CCDC175: variants seen among roughly 807,000 people sequenced by gnomAD.
The protein encoded by CCDC175 is coiled-coil domain-containing protein 175.
CCDC175 carries 100 observed loss-of-function variants against 114.6 expected under a neutral mutation model. The ratio of observed to expected loss-of-function variants is 0.87; its 90% confidence interval spans 0.74 to 1.03. CCDC175 has a LOEUF of 1.03. CCDC175 is among the 50% of genes least tolerant of loss of function. CCDC175 has a pLI of 0.00. For synonymous variants in CCDC175, 306 were observed against 308.7 expected (o/e 0.99, Z 0.09); for missense variants, 880 against 917.8 (o/e 0.96, Z 0.53).
chr14:59,522,349 G>GGGACTGTTACGT (rs1192462965), intron 16 of CCDC175, among the ~76,000 whole-genome samples: 1 of 152,206 alleles, frequency 6.6e-6, no homozygotes, highest in Non-Finnish European at 1.5e-5. Flanking sequence ...AGGTAGACAT[G>GGGACTGTTACGT]GGACTGTTAC....
At chr14:59,569,091 A>G (rs1896714381) in intron 3 of CCDC175, among the ~76,000 whole-genome samples, 1 of 152,234 alleles carries the variant, frequency 6.6e-6, no homozygotes, top group Non-Finnish European at 1.5e-5. Context: ...ATGACTTCAA[A>G]GGATTATCTC....
At chr14:59,523,477 G>C (rs1345984071) in intron 16 of CCDC175, among the ~76,000 whole-genome samples, 2 of 152,042 alleles carry the variant, frequency 1.3e-5, no homozygotes, top group Admixed American at 6.6e-5. Context: ...AAAAAATACA[G>C]CTTCAATTTA....
intron 7 of CCDC175, among the ~76,000 whole-genome samples, chr14:59,552,057 AC>A (rs201098225): frequency 0.041 from 6,184 of 152,332 alleles, 159 homozygotes; most frequent in Non-Finnish European, 0.06. Flanking sequence ...ACATAGCCGA[AC>A]AAAAGGCAGC....
Position 59,574,937 on chromosome 14 carries a change from C to T in CCDC175, c.243+6G>A. 1 of 1,385,502 alleles carries T rather than the reference C, an allele frequency of 7.2e-7. No individual in the cohort carries two copies. Among genetic ancestry groups the T allele is most frequent in the South Asian group, 1.3e-5 (1 of 77,444 alleles). The allele number at this position is 1,385,502 out of a possible 1,614,324, so 85.8% of individuals were successfully genotyped here. ...GAAGAAATGGTTCTTATAGATAATA[C>T]AATACCAATTTCTTAACAGCTACAG... is the stretch of plus-strand genomic sequence containing the variant. On this transcript the variant is annotated splice_donor_region_variant and intron_variant, in intron 2 of 19. Coordinates refer to ENST00000537690, the MANE Select transcript of CCDC175 (RefSeq NM_001164399.2).
intron 8 of CCDC175, among the ~76,000 whole-genome samples, chr14:59,548,794 T>A (rs1438566910): frequency 1.3e-5 from 2 of 152,192 alleles, no homozygotes; most frequent in Non-Finnish European, 2.9e-5. Context: ...TCTCTCATGC[T>A]GATAGCTCAC....
Position 59,561,243 on chromosome 14 carries a change from A to G in CCDC175, c.844-15T>C. 1 of 1,409,684 alleles carries G rather than the reference A, an allele frequency of 7.1e-7. No homozygotes were observed. The highest frequency in any genetic ancestry group is 9.7e-7 in the Non-Finnish European group (1 of 1,033,024). 87.3% of individuals were successfully genotyped at this position (1,409,684 alleles called of 1,614,324 possible). On this transcript the variant is annotated splice_polypyrimidine_tract_variant and intron_variant, in intron 6 of 19. Transcript: ENST00000537690. ...TCACTAAGAACCTATTAAAAATTAA[A>G]CAAAAATATGGCATCCAATCATCAC...
chr14:59,564,669 AG>A (rs1896420929), intron 5 of CCDC175, among the ~76,000 whole-genome samples: 1 of 152,096 alleles, frequency 6.6e-6, no homozygotes, highest in Admixed American at 6.6e-5. Flanking sequence ...CAGGAACAGC[AG>A]GGCTGGGCTG....
intron 17 of CCDC175, among the ~76,000 whole-genome samples, chr14:59,515,239 T>A (rs1233448913): frequency 1.3e-5 from 2 of 152,174 alleles, no homozygotes; most frequent in Non-Finnish European, 2.9e-5. Context: ...CCATTGAGGC[T>A]AGGAAGAAAC....
chr14:59,576,427 CAGG>C (rs986435493), intron 1 of CCDC175, among the ~76,000 whole-genome samples, 189 bp downstream of exon 1: 8 of 152,286 alleles, frequency 5.3e-5, no homozygotes, highest in African/African-American at 1.4e-4. Flanking sequence ...TGCGCTAGGG[CAGG>C]AGATCTGGGC....
intron 17 of CCDC175, among the ~76,000 whole-genome samples, chr14:59,514,857 A>G (rs1191280400): frequency 1.3e-5 from 2 of 152,198 alleles, no homozygotes; most frequent in African/African-American, 4.8e-5. Flanking sequence ...TCCAAGACAC[A>G]TAATTGTCAG....
intron 8 of CCDC175, among the ~76,000 whole-genome samples, chr14:59,550,052 A>G (rs1267362299): frequency 6.6e-6 from 1 of 152,136 alleles, no homozygotes; most frequent in African/African-American, 2.4e-5. Flanking sequence ...CTGGGACTAC[A>G]GGTGCACACC....
Position 59,538,021 on chromosome 14 carries a change from A to G in CCDC175, c.1623+2T>C, listed in dbSNP as rs1371685274. 5.3e-6 allele frequency: 8 copies of G among 1,518,524 alleles called. No homozygotes were observed. In the South Asian group the frequency reaches 9.7e-5, roughly 18 times the overall value. 94.1% of individuals were successfully genotyped at this position (1,518,524 alleles called of 1,614,324 possible). On this transcript the variant is annotated splice_donor_variant, in intron 13 of 19. Coordinates refer to ENST00000537690, the MANE Select transcript of CCDC175 (RefSeq NM_001164399.2). LOFTEE classifies it high-confidence loss of function. ...TATTCTTAGATGCAAAATAAAATTTACCTCATACTTGCTTAACTCTTTCAT... is the reference window on the plus strand; with the variant it reads ...TATTCTTAGATGCAAAATAAAATTTGCCTCATACTTGCTTAACTCTTTCAT...
chr14:59,557,438 G>A (rs1366066848), intron 7 of CCDC175, among the ~76,000 whole-genome samples: 1 of 146,602 alleles, frequency 6.8e-6, no homozygotes, highest in African/African-American at 2.5e-5. Context: ...GACACAGGAA[G>A]GGGAACCTCA....
chr14:59,566,889 T>C (rs1402731146), intron 4 of CCDC175, among the ~76,000 whole-genome samples: 1 of 152,180 alleles, frequency 6.6e-6, no homozygotes, highest in Admixed American at 6.5e-5. Context: ...TGCCTTTCCG[T>C]AAAGATTTGT....
Position 59,561,005 on chromosome 14 carries a change from T to A in CCDC175, c.953+114A>T, listed in dbSNP as rs1040999466. Reference sequence around the variant, plus strand: ...TTTTAGTAAACTAAGAGAATATAATTTTCATGTCAAATTAAAGACATGTTT... The same window carrying A: ...TTTTAGTAAACTAAGAGAATATAATATTCATGTCAAATTAAAGACATGTTT... On this transcript the variant is annotated intron_variant, in intron 7 of 19. Coordinates refer to ENST00000537690, the MANE Select transcript of CCDC175 (RefSeq NM_001164399.2). The A allele has an allele frequency of 5.6e-6, 3 of 539,678 alleles. No homozygotes were observed. The Admixed American group carries it at 1.0e-4, about 18-fold the overall frequency. 33.4% of individuals were successfully genotyped at this position (539,678 alleles called of 1,614,324 possible). A position where few individuals can be genotyped will look rare whatever the true frequency, so the allele number is the denominator to read the frequency against.
chr14:59,555,596 T>C (rs1461370495), intron 7 of CCDC175, among the ~76,000 whole-genome samples: 3 of 152,128 alleles, frequency 2.0e-5, no homozygotes, highest in Non-Finnish European at 4.4e-5. Context: ...TTCAACATAG[T>C]GTTGGAAGTT....
intron 12 of CCDC175, among the ~76,000 whole-genome samples, 167 bp downstream of exon 12, chr14:59,538,538 T>C (rs1894551477): frequency 6.6e-6 from 1 of 152,220 alleles, no homozygotes; most frequent in Non-Finnish European, 1.5e-5. Context: ...CTAGTTAATA[T>C]ACAGCAAGTG....
chr14:59,525,309 C>A lies in CCDC175; in HGVS notation c.1968G>T (p.Leu656=). 1 of 1,458,474 alleles carries A rather than the reference C, an allele frequency of 6.9e-7. No homozygotes were observed. 90.3% of individuals were successfully genotyped at this position (1,458,474 alleles called of 1,614,324 possible). ...FYINDQKADL[L]LLENKKLKEY... ...CTTTTAATTTTTTATTTTCCAGGAG[C>A]AGAAGATCTGCTTTTTGGTCATTTA... Residue 656 remains leucine, a synonymous_variant, in exon 16 of 20, where the codon CTG becomes CTT. Transcript: ENST00000537690.
At chr14:59,575,318 T>C (rs973481865) in intron 1 of CCDC175, among the ~76,000 whole-genome samples, 3 of 152,182 alleles carry the variant, frequency 2.0e-5, no homozygotes, top group Non-Finnish European at 4.4e-5. Context: ...TGAAATATGT[T>C]CTGAGTGTCT....
Sources: allele counts gnomAD v4.1 joint callset (sites outside exome capture counted in the v4.1 genomes callset), GRCh38; gene constraint gnomAD v4.1.1; transcripts MANE v1.5; gene names NCBI Gene and HGNC (gene_info 2026-07-23, HGNC 2026-07-21).